The following CNTN4 variants were observed in gnomAD, a reference collection of about 807,000 sequenced individuals.
CNTN4 encodes the protein contactin-4.
CNTN4 carries 77 observed loss-of-function variants against 122.5 expected under a neutral mutation model. The ratio of observed to expected loss-of-function variants is 0.63; its 90% confidence interval spans 0.52 to 0.76. CNTN4 has a LOEUF of 0.76. Ranked by LOEUF, CNTN4 falls within the 30% of genes least tolerant of loss-of-function variation. CNTN4 has a pLI of 0.00. For synonymous variants in CNTN4, 512 were observed against 447.0 expected, an observed-to-expected ratio of 1.15 and a Z score of -1.83; for missense variants, 1,256 against 1,259.1, an observed-to-expected ratio of 1.00 and a Z score of 0.04.
chr3:2,314,368 A>G (rs75582145), intron 2 of CNTN4, among the ~76,000 whole-genome samples: 7,494 of 151,988 alleles, frequency 0.049, 596 homozygotes, highest in African/African-American at 0.17. Flanking sequence ...TTTTAATGAA[A>G]TGTTTATATA....
intron 3 of CNTN4, among the ~76,000 whole-genome samples, chr3:2,481,339 C>T (rs2075999976): frequency 6.6e-6 from 1 of 151,952 alleles, no homozygotes; most frequent in Admixed American, 6.6e-5. Context: ...TGTGGTTTCA[C>T]CATGTTTGCC....
chr3:2,617,361 T>C (rs973553302), intron 4 of CNTN4, among the ~76,000 whole-genome samples: 8 of 151,742 alleles, frequency 5.3e-5, no homozygotes, highest in African/African-American at 1.7e-4. Flanking sequence ...AGAAGACATT[T>C]ATGTAGCCAA....
At chr3:2,545,556 A>T (rs748780434) in intron 3 of CNTN4, among the ~76,000 whole-genome samples, 4 of 151,160 alleles carry the variant, frequency 2.6e-5, no homozygotes, top group Admixed American at 1.3e-4. Flanking sequence ...TCTTGGTTGC[A>T]TATATATTTA....
At position 2,733,063 on chromosome 3, in the gene CNTN4, G is replaced by C. The variant is rs542202687; in HGVS notation, c.56-3152G>C. Among the ~76,000 whole-genome samples the C allele has an allele frequency of 1.2e-4, 18 of 152,230 alleles. No individual in the cohort carries two copies. The Middle Eastern group carries it at 0.017, about 144-fold the overall frequency. ...AATATCTTTTTGTTATTTAAATATTGCATGGCTACATTGAGAAACAGTACA... is the reference window on the plus strand; with the variant it reads ...AATATCTTTTTGTTATTTAAATATTCCATGGCTACATTGAGAAACAGTACA... On this transcript the variant is annotated intron_variant, in intron 4 of 24. Coordinates refer to ENST00000418658, the MANE Select transcript of CNTN4 (RefSeq NM_175607.3).
intron 4 of CNTN4, among the ~76,000 whole-genome samples, chr3:2,575,957 TC>T: frequency 6.6e-6 from 1 of 151,454 alleles, no homozygotes; most frequent in Non-Finnish European, 1.5e-5. Flanking sequence ...GAGTAAGTCT[TC>T]CAAGTAGCTG....
chr3:2,870,596 A>G (rs2093773453), intron 8 of CNTN4, among the ~76,000 whole-genome samples: 1 of 152,214 alleles, frequency 6.6e-6, no homozygotes, highest in African/African-American at 2.4e-5. Flanking sequence ...ACTGTATATT[A>G]GACTGGTAAG....
chr3:2,887,016 A>G (rs771827878), intron 9 of CNTN4, 24 bp from the exon 10 acceptor site: 5 of 1,606,706 alleles, frequency 3.1e-6, no homozygotes, highest in Non-Finnish European at 4.3e-6. Context: ...AGTTTGATTC[A>G]CTCCTTTTTA....
intron 16 of CNTN4, 142 bp from the exon 17 acceptor site, chr3:3,034,490 G>A: frequency 1.1e-6 from 1 of 879,208 alleles, no homozygotes; most frequent in Non-Finnish European, 1.8e-6. Context: ...CACGTAGTAG[G>A]AGTTCAAAAA....
At chr3:2,792,160 T>C (rs2092033257) in intron 6 of CNTN4, among the ~76,000 whole-genome samples, 1 of 152,222 alleles carries the variant, frequency 6.6e-6, no homozygotes, top group Non-Finnish European at 1.5e-5. Context: ...CACTCATGCA[T>C]CCCAGCACTT....
intron 3 of CNTN4, among the ~76,000 whole-genome samples, chr3:2,503,614 AC>A (rs1404955856): frequency 1.3e-5 from 2 of 152,094 alleles, no homozygotes; most frequent in African/African-American, 4.8e-5. Context: ...TAAGTGGACA[AC>A]CCATGATACC....
At chr3:2,502,737 G>T (rs1040323111) in intron 3 of CNTN4, among the ~76,000 whole-genome samples, 1 of 152,166 alleles carries the variant, frequency 6.6e-6, no homozygotes, top group African/African-American at 2.4e-5. Flanking sequence ...GGAAGAAAGG[G>T]CTTTCCATAT....
intron 7 of CNTN4, among the ~76,000 whole-genome samples, chr3:2,854,111 A>T (rs1168708764): frequency 6.6e-6 from 1 of 152,154 alleles, no homozygotes. Flanking sequence ...AAAGAACAAA[A>T]TACCTTTATT....
rs187517344 is a variant in CNTN4 at position 2,552,121 on chromosome 3, G to T, written c.-88-19295G>T. 7.9e-4 allele frequency among the ~76,000 whole-genome samples: 120 copies of T among 152,268 alleles called. 2 individuals carry two copies. The highest frequency in any genetic ancestry group is 5.9e-5 in the Non-Finnish European group (4 of 68,022). ...AGGTAAACTAAATCTTAAGATAAGT[G>T]AGGCCAGAGTAAAGGAGCACCAAGC... On this transcript the variant is annotated intron_variant, in intron 3 of 24. Transcript: ENST00000418658.
At chr3:2,915,475 G>T (rs1489956312) in intron 12 of CNTN4, among the ~76,000 whole-genome samples, 2 of 152,088 alleles carry the variant, frequency 1.3e-5, no homozygotes, top group Non-Finnish European at 2.9e-5. Flanking sequence ...TTTCCAATTT[G>T]GATGGCTTTT....
chr3:2,270,486 A>G (rs2041249010), intron 2 of CNTN4, among the ~76,000 whole-genome samples: 1 of 150,506 alleles, frequency 6.6e-6, no homozygotes, highest in African/African-American at 2.5e-5. Flanking sequence ...GCCTTATGTT[A>G]ATACATCACT....
intron 3 of CNTN4, among the ~76,000 whole-genome samples, chr3:2,386,016 C>T (rs1017453337): frequency 3.9e-5 from 6 of 152,160 alleles, no homozygotes; most frequent in African/African-American, 7.2e-5. Context: ...ATAGGAATTA[C>T]GTCTTACTAT....
Position 2,736,213 on chromosome 3 carries a change from A to G in CNTN4, c.56-2A>G. The G allele has an allele frequency of 6.2e-7, 1 of 1,613,152 alleles. No homozygotes were observed. The highest frequency in any genetic ancestry group is 8.5e-7 in the Non-Finnish European group (1 of 1,179,384). ...TTTGGACATTTTCTCTTCTCATTTC[A>G]GATGATTCCACACTGCATGGCCCGA... On this transcript the variant is annotated splice_acceptor_variant, in intron 4 of 24. Transcript: ENST00000418658. LOFTEE classifies it high-confidence loss of function.
chr3:2,814,949 G>A (rs1576901466), intron 6 of CNTN4, among the ~76,000 whole-genome samples: 1 of 152,140 alleles, frequency 6.6e-6, no homozygotes, highest in East Asian at 1.9e-4. Context: ...TTAGTGTGAT[G>A]GCCACAGTGA....
At chr3:2,346,255 C>A (rs1206399548) in intron 3 of CNTN4, among the ~76,000 whole-genome samples, 1 of 151,940 alleles carries the variant, frequency 6.6e-6, no homozygotes, top group African/African-American at 2.4e-5. Flanking sequence ...AAATTTTAAC[C>A]TTAGCAAAGT....
Sources: allele counts gnomAD v4.1 joint callset (sites outside exome capture counted in the v4.1 genomes callset), GRCh38; gene constraint gnomAD v4.1.1; transcripts MANE v1.5; gene names NCBI Gene and HGNC (gene_info 2026-07-23, HGNC 2026-07-21).